The following MSRA variants were observed in gnomAD, a reference collection of about 807,000 sequenced individuals.
MSRA encodes the protein mitochondrial peptide methionine sulfoxide reductase.
A neutral mutation model predicts 31.3 loss-of-function variants in MSRA; 54 were observed. The ratio of observed to expected loss-of-function variants is 1.73; its 90% CI spans 1.39 to 2.17. MSRA has a LOEUF of 2.17. Among genes scored for constraint, MSRA ranks in the 30% most tolerant of loss-of-function variants. MSRA has a pLI of 0.00. For missense variants in MSRA, 507 were observed against 300.9 expected (o/e 1.69, Z -5.07); for synonymous variants, 169 against 116.5 (o/e 1.45, Z -2.90).
chr8:10,210,802 G>C (rs7827921), intron 2 of MSRA, among the ~76,000 whole-genome samples: 22,264 of 150,724 alleles, frequency 0.15, 2,947 homozygotes, highest in African/African-American at 0.36. Flanking sequence ...GGCACGATCT[G>C]AGCTCACTGC....
At chr8:10,396,159 T>C (rs1054760680) in intron 5 of MSRA, among the ~76,000 whole-genome samples, 4 of 152,208 alleles carry the variant, frequency 2.6e-5, no homozygotes, top group African/African-American at 4.8e-5. Context: ...GGGGCCACTT[T>C]CCGTGCTGCT....
At chr8:10,073,415 G>A (rs780767989) in intron 1 of MSRA, among the ~76,000 whole-genome samples, 4 of 152,206 alleles carry the variant, frequency 2.6e-5, no homozygotes, top group Non-Finnish European at 4.4e-5. Context: ...TGCGTTCTCA[G>A]TGTAACACCA....
chr8:10,372,133 G>C (rs1328798315), intron 5 of MSRA, among the ~76,000 whole-genome samples: 2 of 152,198 alleles, frequency 1.3e-5, no homozygotes, highest in East Asian at 3.9e-4. Flanking sequence ...CTCTGGAAGG[G>C]CATCGTTAGC....
chr8:10,071,112 C>T (rs981607365), intron 1 of MSRA, among the ~76,000 whole-genome samples: 1 of 152,306 alleles, frequency 6.6e-6, no homozygotes, highest in South Asian at 2.1e-4. Flanking sequence ...GTTTGATATT[C>T]CCACCAGCAA....
chr8:10,054,463 C>T lies in MSRA; in HGVS notation c.-54C>T. The T allele has an allele frequency of 6.7e-7, 1 of 1,488,196 alleles. No individual in the cohort carries two copies. Among genetic ancestry groups the T allele is most frequent in the African/African-American group, 1.4e-5 (1 of 68,972 alleles). 92.2% of individuals were successfully genotyped at this position (1,488,196 alleles called of 1,614,324 possible). A position where few individuals can be genotyped will look rare whatever the true frequency, so the allele number is the denominator to read the frequency against. On this transcript the variant is annotated 5_prime_UTR_variant, in exon 1 of 6. Coordinates refer to ENST00000317173, the MANE Select transcript of MSRA (RefSeq NM_012331.5). Reference sequence around the variant, plus strand: ...CCACTCTCTGCCGTTCCGGCTGCGGCTCCGCTGCCGGTAGCGCCGTCCCCC... The same window carrying T: ...CCACTCTCTGCCGTTCCGGCTGCGGTTCCGCTGCCGGTAGCGCCGTCCCCC...
chr8:10,365,142 CAAAAAAAA>C (rs1171189760), intron 5 of MSRA, among the ~76,000 whole-genome samples: 7 of 61,282 alleles, frequency 1.1e-4, no homozygotes, highest in African/African-American at 2.2e-4. Context: ...GTGAAGCAAC[CAAAAAAAA>C]AAAAAAAAAA....
intron 5 of MSRA, among the ~76,000 whole-genome samples, chr8:10,355,075 A>G (rs943604350): frequency 6.6e-6 from 1 of 152,170 alleles, no homozygotes; most frequent in Non-Finnish European, 1.5e-5. Context: ...GGCATTTAGC[A>G]TACTTTTAAC....
chr8:10,363,659 G>A (rs1585588704), intron 5 of MSRA, among the ~76,000 whole-genome samples: 2 of 150,944 alleles, frequency 1.3e-5, no homozygotes, highest in Non-Finnish European at 2.9e-5. Context: ...TTACTGAAAG[G>A]AAGAACACAC....
chr8:10,222,928 C>T (rs911885748), intron 2 of MSRA, among the ~76,000 whole-genome samples: 6 of 152,108 alleles, frequency 3.9e-5, no homozygotes, highest in Admixed American at 1.3e-4. Context: ...ATACATTGTA[C>T]ACTTGAAAAT....
At chr8:10,377,517 G>A (rs1055461154) in intron 5 of MSRA, among the ~76,000 whole-genome samples, 1 of 152,202 alleles carries the variant, frequency 6.6e-6, no homozygotes, top group Non-Finnish European at 1.5e-5. Flanking sequence ...AGAGCCGGGG[G>A]CATCTAGGAG....
chr8:10,146,205 G>T (rs780519553), intron 1 of MSRA, among the ~76,000 whole-genome samples: 10 of 152,166 alleles, frequency 6.6e-5, no homozygotes, highest in Non-Finnish European at 1.2e-4. Flanking sequence ...ACCCATATTT[G>T]CTTTGGGTTT....
intron 1 of MSRA, among the ~76,000 whole-genome samples, chr8:10,182,309 G>A (rs1006696979): frequency 3.9e-5 from 6 of 152,208 alleles, no homozygotes; most frequent in African/African-American, 1.2e-4. Flanking sequence ...TAAACTGTGT[G>A]TATCAGTTAC....
intron 1 of MSRA, among the ~76,000 whole-genome samples, chr8:10,114,860 A>G (rs1346181958): frequency 6.6e-6 from 1 of 152,242 alleles, no homozygotes; most frequent in Non-Finnish European, 1.5e-5. Flanking sequence ...ATCCCAGTGA[A>G]AAATTTGTGA....
intron 3 of MSRA, among the ~76,000 whole-genome samples, chr8:10,253,216 G>T (rs548013539): frequency 2.6e-5 from 4 of 152,310 alleles, no homozygotes; most frequent in Admixed American, 2.6e-4. Context: ...CTCCAATAAT[G>T]TCAGGGTCTG....
At chr8:10,295,876 C>T (rs902328759) in intron 3 of MSRA, among the ~76,000 whole-genome samples, 2 of 152,136 alleles carry the variant, frequency 1.3e-5, no homozygotes, top group African/African-American at 4.8e-5. Flanking sequence ...CGATGGGAAA[C>T]GGCCTCTCCA....
At chr8:10,192,791 G>C (rs1040097413) in intron 1 of MSRA, among the ~76,000 whole-genome samples, 2 of 152,224 alleles carry the variant, frequency 1.3e-5, no homozygotes, top group South Asian at 4.1e-4. Context: ...TCCTTGGAAA[G>C]AATTATATAT....
intron 5 of MSRA, among the ~76,000 whole-genome samples, chr8:10,389,761 A>AT: frequency 7.8e-6 from 1 of 128,772 alleles, no homozygotes; most frequent in East Asian, 2.1e-4. Flanking sequence ...TTTTTTTTAA[A>AT]GTCTTTTTTT....
chr8:10,102,692 C>T (rs747864797), intron 1 of MSRA, among the ~76,000 whole-genome samples: 1 of 152,136 alleles, frequency 6.6e-6, no homozygotes, highest in South Asian at 2.1e-4. Context: ...GGGTACTATG[C>T]TATGAGACTG....
chr8:10,163,575 T>A (rs1804857580), intron 1 of MSRA, among the ~76,000 whole-genome samples: 1 of 152,190 alleles, frequency 6.6e-6, no homozygotes, highest in Admixed American at 6.5e-5. Flanking sequence ...TGCCCCACGC[T>A]GGAAAGTCAG....
Sources: allele counts gnomAD v4.1 joint callset (sites outside exome capture counted in the v4.1 genomes callset), GRCh38; gene constraint gnomAD v4.1.1; transcripts MANE v1.5; gene names NCBI Gene and HGNC (gene_info 2026-07-23, HGNC 2026-07-21).